Variants in PKP2 observed in about 807,000 individuals in gnomAD.
PKP2 encodes the protein plakophilin 2.
Under a neutral mutation model 83.4 loss-of-function variants are expected in PKP2, and 73 were observed. That is an observed-to-expected ratio of 0.88 (90% CI 0.72 to 1.06). The LOEUF is 1.06. Ranked by LOEUF, PKP2 falls within the 50% of genes least tolerant of loss-of-function variation. The pLI is 0.00. For synonymous variants in PKP2, 409 were observed against 430.4 expected (o/e 0.95, Z 0.62); for missense variants, 966 against 1,065.4 (o/e 0.91, Z 1.30).
intron 4 of PKP2, among the ~76,000 whole-genome samples, chr12:32,853,058 C>T (rs1003685419): frequency 2.0e-5 from 3 of 152,040 alleles, no homozygotes; most frequent in Middle Eastern, 3.4e-3. Flanking sequence ...CACTCTAGCT[C>T]GGGCAACAGT....
rs180765341 is a variant in PKP2, at chr12:32,793,523, C to T, written c.2358-792G>A. Among the ~76,000 whole-genome samples, 158 of 150,778 alleles carry T rather than the reference C, an allele frequency of 1.0e-3. No individual in the cohort carries two copies. In the Middle Eastern group the frequency reaches 0.017, roughly 16 times the overall value. ...TTAAAGCAGTTTCAAAATCTCTTTACGTTTCCATATAGAGCAAATGGAAAA... is the reference window on the plus strand; with the variant it reads ...TTAAAGCAGTTTCAAAATCTCTTTATGTTTCCATATAGAGCAAATGGAAAA... On this transcript the variant is annotated intron_variant, in intron 11 of 12. Coordinates refer to ENST00000340811, the MANE Select transcript of PKP2 (RefSeq NM_001005242.3).
At chr12:32,822,698 GAC>G in intron 7 of PKP2, 67 bp from the exon 8 acceptor site, 1 of 1,543,492 alleles carries the variant, frequency 6.5e-7, no homozygotes, top group South Asian at 1.1e-5. Flanking sequence ...GATATCACAG[GAC>G]ACAGGCTTTA....
At chr12:32,852,234 C>T (rs145341743) in intron 4 of PKP2, among the ~76,000 whole-genome samples, 6 of 152,288 alleles carry the variant, frequency 3.9e-5, no homozygotes, top group East Asian at 1.9e-4. Context: ...GCCTTTCAGA[C>T]GAAGTTTGTC....
intron 9 of PKP2, among the ~76,000 whole-genome samples, chr12:32,812,016 A>G (rs940020852): frequency 9.2e-5 from 14 of 151,674 alleles, no homozygotes; most frequent in Admixed American, 5.9e-4. Flanking sequence ...GCCTGCACAT[A>G]TGCCATTTTA....
At chr12:32,855,310 T>C (rs1956735252) in intron 4 of PKP2, among the ~76,000 whole-genome samples, 3 of 152,136 alleles carry the variant, frequency 2.0e-5, no homozygotes, top group Admixed American at 2.0e-4. Flanking sequence ...GACACTTTAT[T>C]AGCCATACAG....
At position 32,878,239 on chromosome 12, in the gene PKP2, A is replaced by G. The variant is rs1391415851; in HGVS notation, c.641T>C (p.Phe214Ser). ...RAGTTSRQRH[F>S]DTYHRQYQHG... ...CTGGTACTGTCTGTGGTATGTGTCA[A>G]AGTGGCGCTGCCTGCTTGTGGTGCC... Residue 214 changes from phenylalanine (F) to serine (S), a missense_variant, in exon 3 of 13, where the codon TTT (phenylalanine) becomes TCT (serine). By Grantham distance (155) the Phe-to-Ser change is radical. Coordinates refer to ENST00000340811, the MANE Select transcript of PKP2 (RefSeq NM_001005242.3). The G allele has an allele frequency of 6.2e-7, 1 of 1,613,826 alleles. No individual in the cohort carries two copies. Among genetic ancestry groups the G allele is most frequent in the Admixed American group, 1.7e-5 (1 of 59,968 alleles).
chr12:32,840,848 A>G lies in PKP2; in HGVS notation c.1556+180T>C, dbSNP rs568669893. On this transcript the variant is annotated intron_variant, in intron 6 of 12. Transcript: ENST00000340811. ...CAAGGCAGGTAGATCACTGTACTCC[A>G]GCCTGGGCAACAGAGCGAGACTCTG... Among the ~76,000 whole-genome samples the G allele has an allele frequency of 2.6e-5, 4 of 152,316 alleles. No homozygotes were observed. In the South Asian group the frequency reaches 8.3e-4, roughly 32 times the overall value.
chr12:32,816,409 A>G (rs1956319930), intron 9 of PKP2, among the ~76,000 whole-genome samples: 1 of 152,140 alleles, frequency 6.6e-6, no homozygotes, highest in South Asian at 2.1e-4. Flanking sequence ...GCTGCAAAGG[A>G]CATGATTTTA....
intron 4 of PKP2, among the ~76,000 whole-genome samples, chr12:32,864,305 C>T (rs928378649): frequency 1.8e-5 from 1 of 55,876 alleles, no homozygotes; most frequent in Non-Finnish European, 3.8e-5. Context: ...AAGTACTATA[C>T]ACATACACAC....
chr12:32,799,212 T>C (rs996491813), intron 10 of PKP2, among the ~76,000 whole-genome samples: 1 of 152,156 alleles, frequency 6.6e-6, no homozygotes, highest in Non-Finnish European at 1.5e-5. Flanking sequence ...ATCATGGAAA[T>C]GCAAATTAAA....
At chr12:32,803,964 A>G (rs928498555) in intron 9 of PKP2, among the ~76,000 whole-genome samples, 2 of 152,210 alleles carry the variant, frequency 1.3e-5, no homozygotes, top group East Asian at 3.9e-4. Context: ...TCATTTTCTT[A>G]CACTTACACA....
chr12:32,860,100 G>C (rs1956785351), intron 4 of PKP2, among the ~76,000 whole-genome samples: 2 of 152,186 alleles, frequency 1.3e-5, no homozygotes, highest in Admixed American at 1.3e-4. Flanking sequence ...CGATCCCTTA[G>C]ATATCACTGC....
At position 32,834,889 on chromosome 12, in the gene PKP2, G is replaced by C. The variant is rs570401327; in HGVS notation, c.1556+6139C>G. ...ATGTAGAAAACAGAGTTAATAGTCA[G>C]GTCACACCAATGCCCTAGGAACTGA... On this transcript the variant is annotated intron_variant, in intron 6 of 12. Coordinates refer to ENST00000340811, the MANE Select transcript of PKP2 (RefSeq NM_001005242.3). Among the ~76,000 whole-genome samples, 344 of 150,640 alleles carry C rather than the reference G, an allele frequency of 2.3e-3. 1 individual carries two copies. Among genetic ancestry groups the C allele is most frequent in the Non-Finnish European group, 3.3e-3 (226 of 67,790 alleles).
At chr12:32,869,131 C>T in intron 3 of PKP2, 69 bp from the exon 4 acceptor site, 5 of 1,576,098 alleles carry the variant, frequency 3.2e-6, no homozygotes, top group Non-Finnish European at 4.3e-6. Context: ...CCTGGTCCTC[C>T]AGAGACGACT....
chr12:32,809,234 C>G (rs1592732310), intron 9 of PKP2, among the ~76,000 whole-genome samples: 1 of 152,148 alleles, frequency 6.6e-6, no homozygotes, highest in Admixed American at 6.5e-5. Context: ...ATTGAAGGCC[C>G]CCCACAGGGA....
chr12:32,878,294 G>C lies in PKP2; in HGVS notation c.586C>G (p.Arg196Gly). ...AALLVPPRYARSEIVGVSRAG... is the reference protein window; with the variant it reads ...AALLVPPRYAGSEIVGVSRAG... Reference sequence around the variant, plus strand: ...CGGCTGACCCCCACGATCTCGGAACGAGCATATCTCGGTGGCACTAGGAGG... The same window carrying C: ...CGGCTGACCCCCACGATCTCGGAACCAGCATATCTCGGTGGCACTAGGAGG... Residue 196 changes from arginine (R) to glycine (G), a missense_variant, in exon 3 of 13, where the codon CGT (arginine) becomes GGT (glycine). Transcript: ENST00000340811. 4 of 1,613,702 alleles carry C rather than the reference G, an allele frequency of 2.5e-6. No individual in the cohort carries two copies. Among genetic ancestry groups the C allele is most frequent in the Non-Finnish European group, 3.4e-6 (4 of 1,180,030 alleles).
At chr12:32,801,246 A>C (rs923078828) in intron 10 of PKP2, among the ~76,000 whole-genome samples, 2 of 152,240 alleles carry the variant, frequency 1.3e-5, no homozygotes, top group Non-Finnish European at 2.9e-5. Context: ...CTGAAGGTAC[A>C]TGCTTAATGT....
At chr12:32,800,152 C>T (rs1956166944) in intron 10 of PKP2, among the ~76,000 whole-genome samples, 2 of 152,274 alleles carry the variant, frequency 1.3e-5, no homozygotes, top group East Asian at 1.9e-4. Flanking sequence ...TTGTGTTTAT[C>T]AGCAATTAAC....
chr12:32,886,321 T>A (rs1364492929), intron 1 of PKP2, among the ~76,000 whole-genome samples: 1 of 152,240 alleles, frequency 6.6e-6, no homozygotes, highest in Non-Finnish European at 1.5e-5. Context: ...GTTGAGGACA[T>A]GTTATTCCAG....
Sources: gnomAD v4.1 joint callset for allele counts (sites outside exome capture counted in the v4.1 genomes callset) on GRCh38, gnomAD v4.1.1 for gene constraint, MANE v1.5 for transcripts, NCBI Gene and HGNC (gene_info 2026-07-23, HGNC 2026-07-21) for gene names.